The following DENND1B variants were observed in gnomAD, a reference collection of about 807,000 sequenced individuals.
The protein encoded by DENND1B is DENN domain-containing protein 1B.
A neutral mutation model predicts 90.1 loss-of-function variants in DENND1B; 59 were observed. The ratio of observed to expected loss-of-function variants is 0.65; its 90% confidence interval spans 0.53 to 0.81. DENND1B has a LOEUF of 0.81. Ranked by LOEUF, DENND1B falls within the 40% of genes least tolerant of loss-of-function variation. DENND1B has a pLI of 0.00. For missense variants in DENND1B, 862 were observed against 912.6 expected, an observed-to-expected ratio of 0.94 and a Z score of 0.71; for synonymous variants, 337 against 324.6, an observed-to-expected ratio of 1.04 and a Z score of -0.41.
At chr1:197,606,926 A>G in intron 13 of DENND1B, 147 bp downstream of exon 13, 1 of 618,890 alleles carries the variant, frequency 1.6e-6, no homozygotes, top group Middle Eastern at 2.6e-4. Context: ...AAAATATTAA[A>G]TATAGAATCA....
chr1:197,609,983 T>G (rs1677035139), intron 12 of DENND1B, among the ~76,000 whole-genome samples: 1 of 150,684 alleles, frequency 6.6e-6, no homozygotes, highest in South Asian at 2.1e-4. Flanking sequence ...AAAATCCGCC[T>G]AATAGTGGCA....
chr1:197,780,664 C>T (rs767758433), upstream of DENND1B, among the ~76,000 whole-genome samples: 8 of 152,236 alleles, frequency 5.3e-5, no homozygotes, highest in Non-Finnish European at 1.0e-4. Flanking sequence ...AGTATTCTCA[C>T]TTGATTGCCT....
chr1:197,715,036 C>A lies in DENND1B; in HGVS notation c.121G>T (p.Asp41Tyr). ...VLWKFPEDFG[D>Y]QEILQSVPKF... is the part of the protein sequence containing the mutation. Reference sequence around the variant, plus strand: ...AAAAATTATGTGGTACCAACCTGGTCTCCAAAGTCCTCTGGGAATTTCCAC... The same window carrying A: ...AAAAATTATGTGGTACCAACCTGGTATCCAAAGTCCTCTGGGAATTTCCAC... Residue 41 changes from aspartate (D) to tyrosine (Y), a missense_variant, in exon 3 of 23, where the codon GAC becomes TAC. Physicochemically the swap from Asp to Tyr is radical, Grantham distance 160 (BLOSUM62 -3). Coordinates refer to ENST00000620048, the MANE Select transcript of DENND1B (RefSeq NM_001195215.2). 1 of 1,610,700 alleles carries A rather than the reference C, an allele frequency of 6.2e-7. No individual in the cohort carries two copies. Among genetic ancestry groups the A allele is most frequent in the South Asian group, 1.1e-5 (1 of 90,330 alleles).
intron 15 of DENND1B, among the ~76,000 whole-genome samples, chr1:197,574,670 C>G (rs1673494172): frequency 6.6e-6 from 1 of 152,158 alleles, no homozygotes; most frequent in Admixed American, 6.5e-5. Flanking sequence ...CTGGAGGCAT[C>G]ACGCTACCTA....
At position 197,739,091 on chromosome 1, in the gene DENND1B, C is replaced by T. The variant is rs376197479; in HGVS notation, c.83-24017G>A. Among the ~76,000 whole-genome samples, 19 of 152,314 alleles carry T rather than the reference C, an allele frequency of 1.2e-4. No homozygotes were observed. In the East Asian group the frequency reaches 1.3e-3, roughly 11 times the overall value. On this transcript the variant is annotated intron_variant, in intron 2 of 22. Coordinates refer to ENST00000620048, the MANE Select transcript of DENND1B (RefSeq NM_001195215.2). ...GCACACATATGAGGAAACTACCAGA[C>T]ACTGAGGAAAGAATCACCCAAAAGA...
chr1:197,620,003 A>T (rs765042361), intron 10 of DENND1B, among the ~76,000 whole-genome samples: 40 of 151,322 alleles, frequency 2.6e-4, no homozygotes, highest in Non-Finnish European at 2.7e-4. Flanking sequence ...TCTGGAACTA[A>T]GCAACCAGAA....
At chr1:197,679,892 G>C (rs1295921656) in intron 3 of DENND1B, among the ~76,000 whole-genome samples, 1 of 133,572 alleles carries the variant, frequency 7.5e-6, no homozygotes, top group Non-Finnish European at 1.5e-5. Context: ...GCTCACACCT[G>C]TAATCCCAGC....
intron 6 of DENND1B, among the ~76,000 whole-genome samples, chr1:197,657,917 GA>G (rs1305732532): frequency 6.6e-6 from 1 of 151,946 alleles, no homozygotes; most frequent in Non-Finnish European, 1.5e-5. Flanking sequence ...GTCTTAAAAA[GA>G]AAAAAATTCT....
At chr1:197,578,669 T>C (rs1673912304) in intron 15 of DENND1B, among the ~76,000 whole-genome samples, 1 of 152,078 alleles carries the variant, frequency 6.6e-6, no homozygotes, top group East Asian at 1.9e-4. Context: ...TTGTACCCCA[T>C]AAACACACAC....
At chr1:197,779,318 C>T (rs1451308167), upstream of DENND1B, among the ~76,000 whole-genome samples, 2 of 152,122 alleles carry the variant, frequency 1.3e-5, no homozygotes, top group African/African-American at 2.4e-5. Flanking sequence ...TCTGTTTTTT[C>T]TCTCTGACTG....
chr1:197,637,819 T>G (rs957315840), intron 10 of DENND1B, among the ~76,000 whole-genome samples: 19 of 152,200 alleles, frequency 1.2e-4, no homozygotes, highest in Non-Finnish European at 2.6e-4. Flanking sequence ...ACCACTCTGC[T>G]GCAGCTTTAA....
At chr1:197,564,536 G>A (rs1166886623) in intron 15 of DENND1B, among the ~76,000 whole-genome samples, 1 of 150,364 alleles carries the variant, frequency 6.7e-6, no homozygotes, top group South Asian at 2.1e-4. Context: ...TAGACTATAG[G>A]ACAGTATAAA....
chr1:197,744,379 C>T (rs1304306161), intron 2 of DENND1B, among the ~76,000 whole-genome samples: 3 of 152,154 alleles, frequency 2.0e-5, no homozygotes, highest in Non-Finnish European at 4.4e-5. Flanking sequence ...ACTCTTGGAT[C>T]CATGGGCTGC....
At chr1:197,545,880 A>G (rs748874618) in intron 18 of DENND1B, 42 bp downstream of exon 18, 4 of 1,494,478 alleles carry the variant, frequency 2.7e-6, no homozygotes, top group Non-Finnish European at 3.7e-6. Flanking sequence ...AAAATGTTTT[A>G]TAATTTCATA....
At chr1:197,773,068 A>G (rs1303393042) in intron 1 of DENND1B, 136 bp from the exon 2 acceptor site, 1 of 751,616 alleles carries the variant, frequency 1.3e-6, no homozygotes, top group East Asian at 2.8e-5. Flanking sequence ...AGTATAGTAG[A>G]AATAACAATG....
In DENND1B at chr1:197,594,690, A is replaced by C. The variant is rs527672844; in HGVS notation, c.1047+518T>G. The stretch of plus-strand genomic sequence containing the variant: ...TAATAATTAGGGTATTAAAACAGAA[A>C]GAATGAGAAAATGAGCTAAGATATG... On this transcript the variant is annotated intron_variant, in intron 14 of 22. Transcript: ENST00000620048. Among the ~76,000 whole-genome samples the C allele has an allele frequency of 5.3e-4, 81 of 152,314 alleles. 1 individual carries two copies. The South Asian group carries it at 6.8e-3, about 13-fold the overall frequency.
At chr1:197,537,679 A>T (rs2125648243) in intron 20 of DENND1B, among the ~76,000 whole-genome samples, 1 of 152,182 alleles carries the variant, frequency 6.6e-6, no homozygotes, top group Non-Finnish European at 1.5e-5. Flanking sequence ...AATATATATA[A>T]TAAAAAAAGA....
At position 197,629,076 on chromosome 1, in the gene DENND1B, G is replaced by C. The variant is rs942762619; in HGVS notation, c.673-11317C>G. On this transcript the variant is annotated intron_variant, in intron 10 of 22. Coordinates refer to ENST00000620048, the MANE Select transcript of DENND1B (RefSeq NM_001195215.2). ...AAATAGGTACACTTTTACACTGTTG[G>C]TGGGACTGTAAACTAGTTCGACCAT... is the stretch of plus-strand genomic sequence containing the variant. Among the ~76,000 whole-genome samples the C allele has an allele frequency of 2.0e-4, 31 of 152,260 alleles. 1 individual carries two copies. Among genetic ancestry groups the C allele is most frequent in the African/African-American group, 6.3e-4 (26 of 41,548 alleles).
chr1:197,780,780 C>T, the DENND1B span, among the ~76,000 whole-genome samples: 1 of 152,166 alleles, frequency 6.6e-6, no homozygotes, highest in Non-Finnish European at 1.5e-5. Context: ...TTGGTTCTGA[C>T]TATAGTGTCA....
Sources: allele counts gnomAD v4.1 joint callset (sites outside exome capture counted in the v4.1 genomes callset), GRCh38; gene constraint gnomAD v4.1.1; transcripts MANE v1.5; gene names NCBI Gene and HGNC (gene_info 2026-07-23, HGNC 2026-07-21).